Variants in ANKDD1A observed in about 807,000 individuals in gnomAD.
The protein encoded by ANKDD1A is ankyrin repeat and death domain containing 1A.
Under a neutral mutation model 63.5 loss-of-function variants are expected in ANKDD1A, and 59 were observed. The observed-to-expected ratio is 0.93, with a 90% CI of 0.75 to 1.15. ANKDD1A has a LOEUF of 1.15. Among genes scored for constraint, ANKDD1A ranks in the 50% most tolerant of loss-of-function variants. The pLI, the probability that ANKDD1A is intolerant of heterozygous loss-of-function variation, is 0.00. For missense variants in ANKDD1A, 632 were observed against 656.4 expected, an observed-to-expected ratio of 0.96 and a Z score of 0.41; for synonymous variants, 266 against 263.9, an observed-to-expected ratio of 1.01 and a Z score of -0.08.
intron 9 of ANKDD1A, among the ~76,000 whole-genome samples, chr15:64,940,388 G>A (rs1035765481): frequency 6.9e-6 from 1 of 145,498 alleles, no homozygotes; most frequent in East Asian, 2.0e-4. Flanking sequence ...GTGGGGATAG[G>A]ATGATTGATA....
chr15:64,954,634 TTCTTCTTCC>T (rs1555398071), intron 14 of ANKDD1A, among the ~76,000 whole-genome samples: 1 of 4,936 alleles, frequency 2.0e-4, no homozygotes, highest in Non-Finnish European at 2.4e-3. Flanking sequence ...CTTCTTCCTT[TTCTTCTTCC>T]TTCTTCTTCT....
chr15:64,942,670 C>A, intron 10 of ANKDD1A, 105 bp downstream of exon 10: 99 of 495,990 alleles, frequency 2.0e-4, no homozygotes, highest in Non-Finnish European at 2.8e-4. Flanking sequence ...GTTGAGGAAT[C>A]ACTTTTTTTT....
Position 64,915,782 on chromosome 15 carries a change from A to G in ANKDD1A, c.35-15A>G. The G allele has an allele frequency of 6.2e-7, 1 of 1,612,422 alleles. No individual in the cohort carries two copies. The highest frequency in any genetic ancestry group is 8.5e-7 in the Non-Finnish European group (1 of 1,178,968). On this transcript the variant is annotated splice_polypyrimidine_tract_variant and intron_variant, in intron 1 of 14. Transcript: ENST00000319580. ...CATCCTCCCCCTCATCCTGCACCCC[A>G]TTTTCTCCCCACAGTGCTTCCTCTG...
At chr15:64,931,251 C>T (rs1242383216) in intron 7 of ANKDD1A, among the ~76,000 whole-genome samples, 3 of 152,120 alleles carry the variant, frequency 2.0e-5, no homozygotes, top group South Asian at 2.1e-4. Flanking sequence ...AGAACATGAG[C>T]AGAGATGTGG....
rs530420524 is a variant in ANKDD1A at position 64,927,099 on chromosome 15, C to T, written c.570+100C>T. 82 of 1,228,904 alleles carry T rather than the reference C, an allele frequency of 6.7e-5. No homozygotes were observed. The African/African-American group carries it at 9.2e-4, about 14-fold the overall frequency. 76.1% of individuals were successfully genotyped at this position (1,228,904 alleles called of 1,614,324 possible). ...CTGTGTCCACGTCTGACTCCGATTG[C>T]GCTGGAGGCCCGTGTGGCCCAAAGA... On this transcript the variant is annotated intron_variant, in intron 6 of 14. Transcript: ENST00000319580.
chr15:64,942,634 G>T, intron 10 of ANKDD1A, 69 bp downstream of exon 10: 1 of 1,325,862 alleles, frequency 7.5e-7, no homozygotes, highest in Non-Finnish European at 1.0e-6. Context: ...GGCAGGCTTG[G>T]CTGTGGTCTC....
chr15:64,936,974 A>G (rs1170371844), intron 9 of ANKDD1A, among the ~76,000 whole-genome samples: 3 of 152,252 alleles, frequency 2.0e-5, no homozygotes, highest in Non-Finnish European at 4.4e-5. Context: ...CTTAAGAGAA[A>G]TGCAAATTAA....
intron 6 of ANKDD1A, among the ~76,000 whole-genome samples, chr15:64,930,425 T>C (rs1165326801): frequency 1.3e-5 from 2 of 152,216 alleles, no homozygotes; most frequent in Non-Finnish European, 2.9e-5. Context: ...CAGGCCATGC[T>C]ACTCAATGAG....
Position 64,958,679 on chromosome 15 carries a change from A to C in ANKDD1A, c.*1491A>C, listed in dbSNP as rs2085443454. 6.6e-6 allele frequency: 1 copy of C among 152,222 alleles called. No homozygotes were observed. Among genetic ancestry groups the C allele is most frequent in the East Asian group, 1.9e-4 (1 of 5,194 alleles). 9.4% of individuals were successfully genotyped at this position (152,222 alleles called of 1,614,324 possible). On this transcript the variant is annotated 3_prime_UTR_variant, in exon 15 of 15. Coordinates refer to ENST00000319580, the MANE Select transcript of ANKDD1A (RefSeq NM_182703.6). ...AGTTCTTAAATACAATAAAATTGAAATGTTGAAATATATCTCTCAAATCCA... is the reference window on the plus strand; with the variant it reads ...AGTTCTTAAATACAATAAAATTGAACTGTTGAAATATATCTCTCAAATCCA...
At chr15:64,953,487 T>A (rs1278996538) in intron 14 of ANKDD1A, among the ~76,000 whole-genome samples, 1 of 34,412 alleles carries the variant, frequency 2.9e-5, no homozygotes, top group Non-Finnish European at 8.2e-5. Flanking sequence ...TCCTTCTCCT[T>A]CTTCTTTAGT....
intron 11 of ANKDD1A, 151 bp from the exon 12 acceptor site, chr15:64,944,501 C>A (rs900898380): frequency 4.5e-5 from 28 of 623,562 alleles, no homozygotes; most frequent in South Asian, 1.4e-4. Flanking sequence ...ATATCCCCTT[C>A]ATGCCCAGAA....
intron 14 of ANKDD1A, among the ~76,000 whole-genome samples, chr15:64,955,850 C>A (rs1186747875): frequency 6.6e-6 from 1 of 152,150 alleles, no homozygotes; most frequent in African/African-American, 2.4e-5. Context: ...ATACTTTTAT[C>A]CATTGGTCCA....
rs749575670 is a variant in ANKDD1A, at chr15:64,934,222, C to T, written c.855C>T (p.Asn285=). 22 of 1,611,734 alleles carry T rather than the reference C, an allele frequency of 1.4e-5. No homozygotes were observed. The highest frequency in any genetic ancestry group is 8.9e-5 in the East Asian group (4 of 44,820). ...RVLIHAGGCA[N]VVDHQGASPL... The stretch of plus-strand genomic sequence containing the variant: ...TCATCCACGCAGGAGGCTGCGCCAA[C>T]GTGGTTGATCATGTAAGTATGGTGC... The change falls in exon 9 of 15, where the codon AAC becomes AAT. Residue 285 remains asparagine, a synonymous_variant. Coordinates refer to ENST00000319580, the MANE Select transcript of ANKDD1A (RefSeq NM_182703.6).
At chr15:64,953,719 TCTCCTTCTTCTC>T (rs1253965418) in intron 14 of ANKDD1A, among the ~76,000 whole-genome samples, 1,571 of 92,310 alleles carry the variant, frequency 0.017, 42 homozygotes, top group African/African-American at 0.057. Context: ...TCCTTGTTCT[TCTCCTTCTTCTC>T]CTCCTTCTTC....
chr15:64,950,728 C>CGGGGGGGGGG (rs2085262627), intron 14 of ANKDD1A: 4 of 450,162 alleles, frequency 8.9e-6, no homozygotes, highest in Non-Finnish European at 9.8e-6. Flanking sequence ...AAGAAAGGAC[C>CGGGGGGGGGG]GCCCCCCCCC....
chr15:64,925,988 C>T (rs1003928001), intron 4 of ANKDD1A, 78 bp from the exon 5 acceptor site: 9 of 1,310,410 alleles, frequency 6.9e-6, no homozygotes, highest in African/African-American at 1.5e-5. Context: ...CCCAAACACT[C>T]GCTGTTTGGG....
intron 14 of ANKDD1A, among the ~76,000 whole-genome samples, chr15:64,951,762 CT>C (rs2085286403): frequency 1.7e-5 from 1 of 60,274 alleles, no homozygotes; most frequent in African/African-American, 5.2e-5. Context: ...TCCTTCTTTC[CT>C]TTTCTTCTTC....
intron 5 of ANKDD1A, among the ~76,000 whole-genome samples, chr15:64,926,384 A>C (rs956190162): frequency 6.6e-6 from 1 of 152,148 alleles, no homozygotes; most frequent in African/African-American, 2.4e-5. Context: ...AGAGGTCTTG[A>C]TCAAGGACTA....
At chr15:64,952,684 C>CCCT (rs2140388870) in intron 14 of ANKDD1A, among the ~76,000 whole-genome samples, 1 of 138,502 alleles carries the variant, frequency 7.2e-6, no homozygotes, top group Admixed American at 7.7e-5. Context: ...CTTCTTCTTC[C>CCCT]TCTCCTTTTT....
Sources: gnomAD v4.1 joint callset for allele counts (sites outside exome capture counted in the v4.1 genomes callset) on GRCh38, gnomAD v4.1.1 for gene constraint, MANE v1.5 for transcripts, NCBI Gene and HGNC (gene_info 2026-07-23, HGNC 2026-07-21) for gene names.